Variants in PDE1A observed in about 807,000 individuals in gnomAD.
PDE1A encodes the protein phosphodiesterase 1A.
Under a neutral mutation model 61.7 loss-of-function variants are expected in PDE1A, and 35 were observed. The ratio of observed to expected loss-of-function variants is 0.57; its 90% CI spans 0.43 to 0.75. The LOEUF (loss-of-function observed/expected upper bound fraction) is 0.75, where lower values mean the gene tolerates loss of function less well. Ranked by LOEUF, PDE1A falls within the 30% of genes least tolerant of loss-of-function variation. The pLI is 0.00. For synonymous variants in PDE1A, 232 were observed against 213.2 expected (o/e 1.09, Z -0.77); for missense variants, 597 against 630.6 (o/e 0.95, Z 0.57).
intron 1 of PDE1A, among the ~76,000 whole-genome samples, chr2:182,351,139 T>C (rs1279425180): frequency 1.3e-5 from 2 of 152,234 alleles, no homozygotes; most frequent in African/African-American, 2.4e-5. Flanking sequence ...CCCTGTCTTC[T>C]AGGGACTCTA....
chr2:182,426,534 G>A (rs1703631276), intron 1 of PDE1A, 44 bp downstream of exon 1: 3 of 1,302,768 alleles, frequency 2.3e-6, no homozygotes, highest in South Asian at 1.2e-5. Context: ...AGAAACTATT[G>A]TTCCTGACAG....
intron 2 of PDE1A, chr2:182,241,794 A>G (rs920901906): frequency 1.5e-5 from 22 of 1,490,750 alleles, no homozygotes; most frequent in Admixed American, 4.0e-5. Flanking sequence ...ATACTGATTA[A>G]TACTTACTCT....
At chr2:182,196,679 T>G (rs1012628911) in intron 10 of PDE1A, among the ~76,000 whole-genome samples, 1 of 151,874 alleles carries the variant, frequency 6.6e-6, no homozygotes, top group African/African-American at 2.4e-5. Context: ...ATATATTAAT[T>G]TTGCCAATTT....
At chr2:182,275,048 C>A (rs1170714332) in intron 1 of PDE1A, among the ~76,000 whole-genome samples, 1 of 152,086 alleles carries the variant, frequency 6.6e-6, no homozygotes, top group Admixed American at 6.6e-5. Flanking sequence ...AAGTTTAATT[C>A]TTGCAATTGA....
chr2:182,677,394 A>T, the PDE1A span, among the ~76,000 whole-genome samples: 2 of 152,334 alleles, frequency 1.3e-5, no homozygotes, highest in Admixed American at 6.5e-5. Context: ...CACTGCTCAA[A>T]CAAATCAGAG....
At chr2:182,199,134 T>C (rs1559172096) in intron 10 of PDE1A, among the ~76,000 whole-genome samples, 1 of 151,968 alleles carries the variant, frequency 6.6e-6, no homozygotes, top group African/African-American at 2.4e-5. Context: ...TTTATTGGCA[T>C]AAATTGTGCA....
chr2:182,428,680 C>T (rs1221773621), upstream of PDE1A, among the ~76,000 whole-genome samples: 1 of 152,044 alleles, frequency 6.6e-6, no homozygotes, highest in African/African-American at 2.4e-5. Flanking sequence ...TAAGAAATAA[C>T]ACATTGTACA....
chr2:182,478,689 C>T (rs1687522654), intron 2 of PDE1A, among the ~76,000 whole-genome samples: 1 of 151,904 alleles, frequency 6.6e-6, no homozygotes, highest in South Asian at 2.1e-4. Context: ...GTCCTGCTGC[C>T]TCCAAAATTT....
intron 13 of PDE1A, among the ~76,000 whole-genome samples, chr2:182,169,910 ACACACACACACG>A (rs1473297856): frequency 2.6e-5 from 2 of 75,644 alleles, no homozygotes; most frequent in African/African-American, 8.9e-5. Flanking sequence ...ACACACACAC[ACACACACACACG>A]CACACACACA....
chr2:182,193,151 C>A lies in PDE1A; in HGVS notation c.1126-4091G>T, dbSNP rs542838379. Among the ~76,000 whole-genome samples the A allele has an allele frequency of 1.5e-4, 23 of 152,026 alleles. No individual in the cohort carries two copies. The East Asian group carries it at 2.5e-3, about 17-fold the overall frequency. On this transcript the variant is annotated intron_variant, in intron 10 of 13. Coordinates refer to ENST00000351439, the Ensembl canonical transcript of PDE1A. ...TACAGGCACCTGCCACCATGCCCAG[C>A]TAATTTTTGTATTTTTAGTAGAGAC...
chr2:182,655,078 G>A, the PDE1A span, among the ~76,000 whole-genome samples: 1 of 152,122 alleles, frequency 6.6e-6, no homozygotes, highest in Non-Finnish European at 1.5e-5. Flanking sequence ...CTCAACCATA[G>A]CGTAAAGAGG....
At chr2:182,581,362 C>G in the PDE1A span, among the ~76,000 whole-genome samples, 22 of 152,166 alleles carry the variant, frequency 1.4e-4, no homozygotes, top group African/African-American at 4.8e-4. Context: ...TCTCTCTTGC[C>G]AAAGAAAATA....
At chr2:182,634,033 G>A in the PDE1A span, among the ~76,000 whole-genome samples, 2 of 151,432 alleles carry the variant, frequency 1.3e-5, no homozygotes, top group Admixed American at 6.6e-5. Context: ...AGGTTGCAGC[G>A]AACCAAAATC....
intron 2 of PDE1A, among the ~76,000 whole-genome samples, chr2:182,251,534 T>G (rs1017529016): frequency 6.6e-6 from 1 of 152,200 alleles, no homozygotes; most frequent in Admixed American, 6.5e-5. Flanking sequence ...TAAGACCTAT[T>G]GAATCAGAAA....
At chr2:182,447,310 C>G (rs113941936) in intron 2 of PDE1A, among the ~76,000 whole-genome samples, 1 of 152,056 alleles carries the variant, frequency 6.6e-6, no homozygotes, top group Middle Eastern at 3.4e-3. Flanking sequence ...TGGGACATGG[C>G]CACATAAGAC....
chr2:182,512,731 C>T (rs1009820641), intron 2 of PDE1A, among the ~76,000 whole-genome samples: 4 of 152,024 alleles, frequency 2.6e-5, no homozygotes, highest in Non-Finnish European at 1.5e-5. Context: ...AGCTGAGAGA[C>T]AAAATAGCAA....
At chr2:182,266,791 G>A (rs11893572) in intron 1 of PDE1A, among the ~76,000 whole-genome samples, 41,799 of 151,926 alleles carry the variant, frequency 0.28, 5,969 homozygotes, top group Middle Eastern at 0.41. Flanking sequence ...AAGGCCAGCA[G>A]CCATCTGGGA....
intron 2 of PDE1A, among the ~76,000 whole-genome samples, chr2:182,486,708 C>A (rs1247339404): frequency 6.6e-6 from 1 of 152,018 alleles, no homozygotes; most frequent in African/African-American, 2.4e-5. Flanking sequence ...ACAAATGTTT[C>A]CAGGTCAATT....
At chr2:182,149,813 T>C (rs1332281142) in intron 13 of PDE1A, among the ~76,000 whole-genome samples, 1 of 152,158 alleles carries the variant, frequency 6.6e-6, no homozygotes, top group Non-Finnish European at 1.5e-5. Flanking sequence ...GAAACACCCA[T>C]ATACCAAGGT....
Sources: gnomAD v4.1 joint callset for allele counts (sites outside exome capture counted in the v4.1 genomes callset) on GRCh38, gnomAD v4.1.1 for gene constraint, MANE v1.5 for transcripts, NCBI Gene and HGNC (gene_info 2026-07-23, HGNC 2026-07-21) for gene names.